The following CNTN5 variants were observed in gnomAD, a reference collection of about 807,000 sequenced individuals.
CNTN5 encodes contactin 5.
In CNTN5, 77 loss-of-function variants were observed where a neutral mutation model predicts 129.1. That is an observed-to-expected ratio of 0.60 (90% CI 0.50 to 0.72). The LOEUF (loss-of-function observed/expected upper bound fraction) is 0.72, where lower values mean the gene tolerates loss of function less well. Ranked by LOEUF, CNTN5 falls within the 30% of genes least tolerant of loss-of-function variation. CNTN5 has a pLI of 0.00. For synonymous variants in CNTN5, 509 were observed against 465.6 expected, an observed-to-expected ratio of 1.09 and a Z score of -1.20; for missense variants, 1,478 against 1,328.8, an observed-to-expected ratio of 1.11 and a Z score of -1.75.
At chr11:99,232,312 C>G (rs1374735519) in intron 1 of CNTN5, among the ~76,000 whole-genome samples, 1 of 152,032 alleles carries the variant, frequency 6.6e-6, no homozygotes, top group Non-Finnish European at 1.5e-5. Flanking sequence ...TGTTTCTTTC[C>G]TCTCTTATTT....
chr11:99,472,883 CT>C (rs1330271712), intron 2 of CNTN5, among the ~76,000 whole-genome samples: 1 of 152,114 alleles, frequency 6.6e-6, no homozygotes, highest in East Asian at 1.9e-4. Flanking sequence ...AAATCATTTT[CT>C]ATGGCACCTT....
intron 2 of CNTN5, among the ~76,000 whole-genome samples, chr11:99,523,652 AAC>A (rs1160252427): frequency 5.9e-5 from 5 of 84,140 alleles, no homozygotes; most frequent in African/African-American, 2.2e-4. Context: ...AATAGAATAG[AAC>A]AGAACAGATC....
intron 1 of CNTN5, among the ~76,000 whole-genome samples, chr11:99,090,831 G>C (rs1866215752): frequency 6.6e-6 from 1 of 151,498 alleles, no homozygotes; most frequent in Non-Finnish European, 1.5e-5. Flanking sequence ...GACCATCCTG[G>C]CTAACACGGT....
intron 13 of CNTN5, among the ~76,000 whole-genome samples, chr11:100,123,643 T>C (rs758846572): frequency 1.1e-4 from 16 of 152,000 alleles, no homozygotes; most frequent in Non-Finnish European, 2.1e-4. Flanking sequence ...TCAAAACAAA[T>C]TCTGCAACTC....
In CNTN5 at chr11:100,356,411, A is replaced by G; in HGVS notation, c.*191A>G. On this transcript the variant is annotated 3_prime_UTR_variant, in exon 25 of 25. Coordinates refer to ENST00000524871, the MANE Select transcript of CNTN5 (RefSeq NM_014361.4). ...ATCAGGTTTCTCTTTGGTTTTTGTA[A>G]ACGGAGAGGACAGTTCTTAGTCCAG... The G allele has an allele frequency of 1.7e-6, 1 of 592,148 alleles. No homozygotes were observed. The highest frequency in any genetic ancestry group is 3.0e-5 in the Admixed American group (1 of 33,634). The allele number at this position is 592,148 out of a possible 1,614,324, so 36.7% of individuals were successfully genotyped here.
chr11:99,430,656 A>G (rs1383241153), intron 2 of CNTN5, among the ~76,000 whole-genome samples: 2 of 151,916 alleles, frequency 1.3e-5, no homozygotes, highest in Non-Finnish European at 2.9e-5. Flanking sequence ...GAGGGTAGCT[A>G]TCTATATAGA....
intron 16 of CNTN5, among the ~76,000 whole-genome samples, chr11:100,233,398 G>A (rs971709532): frequency 1.3e-5 from 2 of 152,084 alleles, no homozygotes; most frequent in African/African-American, 4.8e-5. Context: ...CGCAACTTAA[G>A]GATTTGTTGT....
At chr11:99,918,488 T>C (rs1176096689) in intron 7 of CNTN5, among the ~76,000 whole-genome samples, 1 of 152,180 alleles carries the variant, frequency 6.6e-6, no homozygotes, top group Non-Finnish European at 1.5e-5. Context: ...AAATGTTTTA[T>C]GTGTCTTCCC....
At chr11:100,046,430 T>C (rs1942680952) in intron 9 of CNTN5, among the ~76,000 whole-genome samples, 1 of 152,298 alleles carries the variant, frequency 6.6e-6, no homozygotes, top group African/African-American at 2.4e-5. Flanking sequence ...AAGACAATTA[T>C]GTTATGATGC....
At chr11:100,036,659 C>A (rs1942031847) in intron 9 of CNTN5, among the ~76,000 whole-genome samples, 1 of 150,304 alleles carries the variant, frequency 6.7e-6, no homozygotes, top group Non-Finnish European at 1.5e-5. Context: ...AGTGGTTTGT[C>A]ATTCTCCTTG....
At chr11:100,077,945 T>C (rs1944206887) in intron 13 of CNTN5, among the ~76,000 whole-genome samples, 1 of 152,162 alleles carries the variant, frequency 6.6e-6, no homozygotes, top group South Asian at 2.1e-4. Context: ...AAATGTAATA[T>C]ATAGTCTTAA....
intron 1 of CNTN5, among the ~76,000 whole-genome samples, chr11:99,209,129 C>G (rs189175644): frequency 1.4e-3 from 213 of 151,784 alleles, no homozygotes; most frequent in Middle Eastern, 6.8e-3. Flanking sequence ...TCAGTGCACA[C>G]AAAATATCAA....
chr11:99,250,524 T>C (rs1030486194), intron 1 of CNTN5, among the ~76,000 whole-genome samples: 2 of 151,010 alleles, frequency 1.3e-5, no homozygotes, highest in East Asian at 1.9e-4. Flanking sequence ...TGTAGCAATA[T>C]TAAAAATCTA....
In CNTN5 at chr11:99,976,850, C is replaced by T. The variant is rs116865268; in HGVS notation, c.877+19841C>T. Among the ~76,000 whole-genome samples, 723 of 152,334 alleles carry T rather than the reference C, an allele frequency of 4.7e-3. 3 individuals are homozygous for T. Among genetic ancestry groups the T allele is most frequent in the Non-Finnish European group, 7.4e-3 (505 of 68,036 alleles). ...TATTAACATATAGCTCCTACTTAAG[C>T]AAATTTCTGCAGCTGGCTTGAAGTT... is the stretch of plus-strand genomic sequence containing the variant. On this transcript the variant is annotated intron_variant, in intron 8 of 24. Transcript: ENST00000524871.
Position 99,210,444 on chromosome 11 carries a change from G to C in CNTN5, c.-209-114902G>C, listed in dbSNP as rs984431432. Among the ~76,000 whole-genome samples the C allele has an allele frequency of 5.5e-4, 84 of 151,994 alleles. 1 individual carries two copies. Among genetic ancestry groups the C allele is most frequent in the Admixed American group, 5.4e-3 (82 of 15,242 alleles). On this transcript the variant is annotated intron_variant, in intron 1 of 24. Coordinates refer to ENST00000524871, the MANE Select transcript of CNTN5 (RefSeq NM_014361.4). ...CCAGTAGCAGCTGCCTCTTGGTCTC[G>C]GTAGAGAAGAATTCAGAGGGAGAGC... is the stretch of plus-strand genomic sequence containing the variant.
At chr11:100,115,130 A>AG (rs1263739115) in intron 13 of CNTN5, among the ~76,000 whole-genome samples, 1 of 150,846 alleles carries the variant, frequency 6.6e-6, no homozygotes, top group Non-Finnish European at 1.5e-5. Context: ...AAAAAAAAAA[A>AG]AAAAAAAAAG....
chr11:99,199,195 T>G (rs1859046627), intron 1 of CNTN5, among the ~76,000 whole-genome samples: 1 of 152,048 alleles, frequency 6.6e-6, no homozygotes, highest in Non-Finnish European at 1.5e-5. Flanking sequence ...CATCAAAGTC[T>G]TCAAAAATTT....
chr11:99,140,450 A>G (rs541438504), intron 1 of CNTN5, among the ~76,000 whole-genome samples: 1 of 137,954 alleles, frequency 7.2e-6, no homozygotes, highest in East Asian at 2.4e-4. Context: ...CTTTCTTCCT[A>G]TTTGGATGCC....
intron 9 of CNTN5, among the ~76,000 whole-genome samples, chr11:100,048,144 AAAG>A (rs1054668010): frequency 2.0e-5 from 3 of 152,104 alleles, no homozygotes; most frequent in Non-Finnish European, 4.4e-5. Context: ...AAAAAAATAA[AAAG>A]AAGGTTGAAT....
Sources: gnomAD v4.1 joint callset for allele counts (sites outside exome capture counted in the v4.1 genomes callset) on GRCh38, gnomAD v4.1.1 for gene constraint, MANE v1.5 for transcripts, NCBI Gene and HGNC (gene_info 2026-07-23, HGNC 2026-07-21) for gene names.